The following DCBLD1 variants were observed in gnomAD, a reference collection of about 807,000 sequenced individuals.
DCBLD1 encodes discoidin, CUB and LCCL domain-containing protein 1.
Under a neutral mutation model 71.5 loss-of-function variants are expected in DCBLD1, and 57 were observed. The observed-to-expected ratio is 0.80, with a 90% CI of 0.64 to 0.99. The LOEUF (loss-of-function observed/expected upper bound fraction) is 0.99, where lower values mean the gene tolerates loss of function less well. Ranked by LOEUF, DCBLD1 falls within the 50% of genes least tolerant of loss-of-function variation. DCBLD1 has a pLI of 0.00. For missense variants in DCBLD1, 891 were observed against 923.5 expected, an observed-to-expected ratio of 0.96 and a Z score of 0.46; for synonymous variants, 380 against 363.8, an observed-to-expected ratio of 1.04 and a Z score of -0.51.
chr6:117,566,594 TTTTA>T (rs1446698493), intron 14 of DCBLD1, among the ~76,000 whole-genome samples: 1 of 152,014 alleles, frequency 6.6e-6, no homozygotes, highest in South Asian at 2.1e-4. Context: ...CTAGAAAAAA[TTTTA>T]TTTATTTTTC....
intron 11 of DCBLD1, among the ~76,000 whole-genome samples, chr6:117,541,498 C>T (rs922458406): frequency 2.0e-5 from 3 of 151,990 alleles, no homozygotes; most frequent in South Asian, 2.1e-4. Flanking sequence ...AAACATAATG[C>T]GGCTTTCTGT....
intron 14 of DCBLD1, 100 bp downstream of exon 14, chr6:117,545,697 A>T (rs1779245717): frequency 6.8e-7 from 1 of 1,476,194 alleles, no homozygotes; most frequent in Non-Finnish European, 9.1e-7. Flanking sequence ...TTCTATTTAG[A>T]TAGGGTCCAG....
chr6:117,522,634 G>A (rs1295977984), intron 4 of DCBLD1, among the ~76,000 whole-genome samples: 2 of 152,044 alleles, frequency 1.3e-5, no homozygotes, highest in Non-Finnish European at 2.9e-5. Flanking sequence ...AGAAATGGGT[G>A]TCTTTCTATA....
chr6:117,561,419 A>G (rs1191534755), intron 14 of DCBLD1: 2 of 224,004 alleles, frequency 8.9e-6, no homozygotes, highest in Non-Finnish European at 1.8e-5. Context: ...TTAAGAAGAT[A>G]AGAATAACAT....
chr6:117,563,010 T>C, intron 14 of DCBLD1: 2 of 461,032 alleles, frequency 4.3e-6, no homozygotes, highest in East Asian at 3.7e-5. Flanking sequence ...GGGAAACACA[T>C]GCTTTGGTGC....
intron 2 of DCBLD1, among the ~76,000 whole-genome samples, chr6:117,516,586 G>T (rs925262727): frequency 2.6e-5 from 4 of 152,122 alleles, no homozygotes; most frequent in African/African-American, 9.7e-5. Flanking sequence ...TATACCAGAA[G>T]GGCAATGCTT....
Position 117,521,571 on chromosome 6 carries a change from A to T in DCBLD1, c.507A>T (p.Glu169Asp). 1 of 1,565,684 alleles carries T rather than the reference A, an allele frequency of 6.4e-7. No homozygotes were observed. The highest frequency in any genetic ancestry group is 8.6e-7 in the Non-Finnish European group (1 of 1,165,512). The change falls in exon 4 of 15, where the codon GAA becomes GAT. Residue 169 changes from glutamate to aspartate, a missense_variant. By Grantham distance (45) the Glu-to-Asp change is conservative. Transcript: ENST00000338728. ...GAGCTAGCCATTATTTGAAGACAGA[A>T]TACAGGTAAGTATAGGTATCCTAAC... ...LERASHYLKTEYSKFCPAGCR... is the reference protein window; with the variant it reads ...LERASHYLKTDYSKFCPAGCR...
intron 4 of DCBLD1, 58 bp from the exon 5 acceptor site, chr6:117,525,304 T>C (rs1253228977): frequency 1.4e-5 from 18 of 1,302,862 alleles, no homozygotes; most frequent in Non-Finnish European, 1.8e-5. Context: ...AAGTACAGTT[T>C]AATTTTTTTG....
intron 14 of DCBLD1, among the ~76,000 whole-genome samples, chr6:117,557,638 C>A (rs1191955408): frequency 6.6e-6 from 1 of 152,054 alleles, no homozygotes; most frequent in African/African-American, 2.4e-5. Flanking sequence ...GTGGCACGCA[C>A]CTGTAATCCC....
intron 14 of DCBLD1, among the ~76,000 whole-genome samples, chr6:117,559,611 G>A (rs10782187): frequency 0.3 from 45,258 of 152,034 alleles, 7,422 homozygotes; most frequent in African/African-American, 0.42. Flanking sequence ...GGCTGCTGCC[G>A]TGGTGATTAT....
rs756990343 is a variant in DCBLD1, at chr6:117,538,804, G to T, written c.945G>T (p.Glu315Asp). ...SNNHKPREWL[E>D]IDLGEKKKIT... ...ACCACAAACCACGAGAGTGGCTGGA[G>T]ATCGATTTGGGGGAGAAAAAGAAAA... Residue 315 changes from glutamate to aspartate, a missense_variant, in exon 8 of 15, where the codon GAG (glutamate) becomes GAT (aspartate). Glu to Asp is a conservative substitution (Grantham distance 45). Transcript: ENST00000338728. The T allele has an allele frequency of 6.2e-7, 1 of 1,613,952 alleles. No homozygotes were observed. The highest frequency in any genetic ancestry group is 8.5e-7 in the Non-Finnish European group (1 of 1,179,930).
chr6:117,563,275 C>A, intron 14 of DCBLD1: 1 of 1,612,992 alleles, frequency 6.2e-7, no homozygotes, highest in Non-Finnish European at 8.5e-7. Flanking sequence ...TTTTATGATA[C>A]AGAGTGTGCA....
chr6:117,512,964 C>G (rs1174961620), intron 2 of DCBLD1, among the ~76,000 whole-genome samples: 2 of 151,692 alleles, frequency 1.3e-5, no homozygotes, highest in Non-Finnish European at 2.9e-5. Flanking sequence ...CAAACATGTC[C>G]CTTCTATATA....
At chr6:117,554,345 G>A (rs1298509809), downstream of DCBLD1, among the ~76,000 whole-genome samples, 3 of 152,140 alleles carry the variant, frequency 2.0e-5, no homozygotes, top group Non-Finnish European at 4.4e-5. Context: ...TTATGTTGAG[G>A]TAAACTTTAT....
At position 117,521,546 on chromosome 6, in the gene DCBLD1, G is replaced by C. The variant is rs1323940181; in HGVS notation, c.482G>C (p.Arg161Pro). ...ACAGATTTAATAACATGTTTGGAACGAGCTAGCCATTATTTGAAGACAGAA... is the reference window on the plus strand; with the variant it reads ...ACAGATTTAATAACATGTTTGGAACCAGCTAGCCATTATTTGAAGACAGAA... ...DHPDLITCLERASHYLKTEYS... is the reference protein window; with the variant it reads ...DHPDLITCLEPASHYLKTEYS... The change falls in exon 4 of 15, where the codon CGA (arginine) becomes CCA (proline). Residue 161 changes from arginine (R) to proline (P), a missense_variant. By Grantham distance (103) the Arg-to-Pro change is moderately radical. Coordinates refer to ENST00000338728, the MANE Select transcript of DCBLD1 (RefSeq NM_001366458.2). 1 of 1,570,360 alleles carries C rather than the reference G, an allele frequency of 6.4e-7. No individual in the cohort carries two copies. Among genetic ancestry groups the C allele is most frequent in the East Asian group, 2.3e-5 (1 of 42,858 alleles).
intron 14 of DCBLD1, among the ~76,000 whole-genome samples, chr6:117,568,943 C>T (rs1779752350): frequency 6.6e-6 from 1 of 152,166 alleles, no homozygotes; most frequent in Non-Finnish European, 1.5e-5. Flanking sequence ...ACTACCAATG[C>T]CTCTAATTCC....
intron 1 of DCBLD1, 102 bp downstream of exon 1, chr6:117,482,995 G>C: frequency 9.9e-7 from 1 of 1,006,626 alleles, no homozygotes. Context: ...GGGGCGGGCC[G>C]GGCCTGGGGG....
At chr6:117,523,496 A>G (rs1020829510) in intron 4 of DCBLD1, among the ~76,000 whole-genome samples, 1 of 152,126 alleles carries the variant, frequency 6.6e-6, no homozygotes, top group African/African-American at 2.4e-5. Flanking sequence ...ATGTGTGCAG[A>G]CCCCACCAGC....
intron 2 of DCBLD1, among the ~76,000 whole-genome samples, chr6:117,513,204 C>T (rs1778080421): frequency 6.6e-6 from 1 of 152,142 alleles, no homozygotes; most frequent in South Asian, 2.1e-4. Context: ...TTTATTCTTC[C>T]TTATAGGACA....
Sources: allele counts gnomAD v4.1 joint callset (sites outside exome capture counted in the v4.1 genomes callset), GRCh38; gene constraint gnomAD v4.1.1; transcripts MANE v1.5; gene names NCBI Gene and HGNC (gene_info 2026-07-23, HGNC 2026-07-21).